MTA1: variants seen among roughly 807,000 people sequenced by gnomAD.
MTA1 encodes the protein metastasis-associated protein MTA1.
Under a neutral mutation model 97.0 loss-of-function variants are expected in MTA1, and 15 were observed. The ratio of observed to expected loss-of-function variants is 0.15; its 90% CI spans 0.10 to 0.24. The LOEUF is 0.24. MTA1 is among the 10% of genes least tolerant of loss of function. MTA1 has a pLI of 1.00. For synonymous variants in MTA1, 435 were observed against 417.5 expected, an observed-to-expected ratio of 1.04 and a Z score of -0.51; for missense variants, 709 against 1,015.1, an observed-to-expected ratio of 0.70 and a Z score of 4.10.
chr14:105,466,186 T>C, intron 16 of MTA1: 1 of 567,762 alleles, frequency 1.8e-6, no homozygotes, highest in Non-Finnish European at 3.1e-6. Context: ...GTCTCCCTGC[T>C]CTCTGGAAGC....
intron 2 of MTA1, among the ~76,000 whole-genome samples, chr14:105,444,265 C>T (rs1343914232): frequency 2.0e-5 from 3 of 151,910 alleles, no homozygotes; most frequent in Non-Finnish European, 4.4e-5. Context: ...GTCCCAGCTA[C>T]TCGGGAGGCT....
chr14:105,425,718 T>C, intron 1 of MTA1, among the ~76,000 whole-genome samples: 1 of 142,706 alleles, frequency 7.0e-6, no homozygotes, highest in South Asian at 2.5e-4. Context: ...GGTGGGCTCA[T>C]GTCTGAGTGT....
At chr14:105,431,752 A>G (rs587646171) in intron 1 of MTA1, among the ~76,000 whole-genome samples, 26 of 152,128 alleles carry the variant, frequency 1.7e-4, no homozygotes, top group African/African-American at 6.3e-4. Context: ...CAGCCTCCCA[A>G]GTAGCTGGGA....
chr14:105,451,941 T>G (rs986676958), intron 6 of MTA1, among the ~76,000 whole-genome samples: 2 of 151,994 alleles, frequency 1.3e-5, no homozygotes, highest in African/African-American at 4.8e-5. Context: ...CAGACGTGTG[T>G]CACCATGTCC....
At chr14:105,450,954 T>C (rs1180617768) in intron 6 of MTA1, among the ~76,000 whole-genome samples, 3 of 152,182 alleles carry the variant, frequency 2.0e-5, no homozygotes, top group African/African-American at 7.2e-5. Context: ...CAAAAGCGTC[T>C]GGAGTGTGTT....
rs372660294 is a variant in MTA1, at chr14:105,466,593, C to T, written c.1777+15C>T. The T allele has an allele frequency of 7.2e-5, 113 of 1,565,896 alleles. 1 individual carries two copies. Among genetic ancestry groups the T allele is most frequent in the Non-Finnish European group, 8.8e-5 (102 of 1,155,120 alleles). ...CGGGGTGGACGGTGAGTGGCCCCCC[C>T]GCCCGGTGAGTGTGGCCCTCCCCGC... On this transcript the variant is annotated intron_variant, in intron 17 of 20. Transcript: ENST00000331320.
rs1555420700 is a variant in MTA1, at chr14:105,420,787, T to C, written c.28+724T>C. On this transcript the variant is annotated intron_variant, in intron 1 of 20. Coordinates refer to ENST00000331320, the MANE Select transcript of MTA1 (RefSeq NM_004689.4). This position sits in a 1 kb window ranked among gnomAD's most constrained non-coding sequence, Gnocchi z 5.3. ...GCTCGGGCCCCCCGGGCCTGCAGCT[T>C]TGAGCCTTGCCCTCCTTCGTGTGCC... 1.3e-5 allele frequency among the ~76,000 whole-genome samples: 2 copies of C among 152,158 alleles called. 1 individual carries two copies. Among genetic ancestry groups the C allele is most frequent in the Non-Finnish European group, 2.9e-5 (2 of 67,998 alleles).
chr14:105,461,033 C>T, intron 10 of MTA1, 80 bp downstream of exon 10: 1 of 1,415,776 alleles, frequency 7.1e-7, no homozygotes, highest in Non-Finnish European at 9.7e-7. Context: ...GGCTCCACAT[C>T]CCACTCTGCC....
chr14:105,447,827 C>A (rs587654302), intron 3 of MTA1, among the ~76,000 whole-genome samples: 1 of 152,328 alleles, frequency 6.6e-6, no homozygotes, highest in Non-Finnish European at 1.5e-5. Context: ...CCACACCCCC[C>A]GGGGTTGTGT....
chr14:105,467,542 G>C (rs1555433230), intron 18 of MTA1: 1 of 453,150 alleles, frequency 2.2e-6, no homozygotes, highest in Admixed American at 2.4e-5. Flanking sequence ...TGCAGCGCAG[G>C]GTGGGCCTGA....
Position 105,463,674 on chromosome 14 carries a change from GCC to G in MTA1, c.1076+127_1076+128del, listed in dbSNP as rs2083448781. On this transcript the variant is annotated intron_variant, in intron 12 of 20. Coordinates refer to ENST00000331320, the MANE Select transcript of MTA1 (RefSeq NM_004689.4). The surrounding 1 kb of genome is among the most constrained non-coding windows in gnomAD (Gnocchi z 5.9). ...CTCAGAGGCTGGGAAAGTTGGGGCA[GCC>G]CCCGGGAGGGCGGCCCAGGGCTGGG... is the stretch of plus-strand genomic sequence containing the variant. 9.9e-7 allele frequency: 1 copy of G among 1,006,406 alleles called. No individual in the cohort carries two copies. Among genetic ancestry groups the G allele is most frequent in the Non-Finnish European group, 1.5e-6 (1 of 662,758 alleles). 62.3% of individuals were successfully genotyped at this position (1,006,406 alleles called of 1,614,324 possible).
intron 1 of MTA1, among the ~76,000 whole-genome samples, chr14:105,434,654 A>G (rs1404087064): frequency 1.3e-5 from 2 of 151,964 alleles, no homozygotes; most frequent in Non-Finnish European, 2.9e-5. Flanking sequence ...ATACACCACC[A>G]CACCCAGCTA....
At chr14:105,457,447 C>T (rs1031424704) in intron 7 of MTA1, among the ~76,000 whole-genome samples, 19 of 152,234 alleles carry the variant, frequency 1.2e-4, no homozygotes, top group South Asian at 4.1e-4. Flanking sequence ...TCCAGAGGCA[C>T]GCCCACTCCC....
At position 105,432,998 on chromosome 14, in the gene MTA1, C is replaced by T. The variant is rs187139267; in HGVS notation, c.29-5674C>T. On this transcript the variant is annotated intron_variant, in intron 1 of 20. Coordinates refer to ENST00000331320, the MANE Select transcript of MTA1 (RefSeq NM_004689.4). ...AAGCGATTGGACTGTAGCGTAACCC[C>T]GTGCTGTAATATAGGGGCCCCAAGA... Among the ~76,000 whole-genome samples the T allele has an allele frequency of 2.7e-3, 404 of 152,242 alleles. 5 individuals carry two copies. Among genetic ancestry groups the T allele is most frequent in the Non-Finnish European group, 5.6e-4 (38 of 68,012 alleles).
chr14:105,434,967 A>AT (rs1452962663), intron 1 of MTA1, among the ~76,000 whole-genome samples: 3 of 152,036 alleles, frequency 2.0e-5, no homozygotes, highest in African/African-American at 7.2e-5. Flanking sequence ...CCTTTCATTG[A>AT]TTTTTCTTCC....
Position 105,420,514 on chromosome 14 carries a change from AGCCCC to A in MTA1, c.28+453_28+457del, listed in dbSNP as rs1476672245. 6.6e-6 allele frequency among the ~76,000 whole-genome samples: 1 copy of A among 151,902 alleles called. No individual in the cohort carries two copies. Among genetic ancestry groups the A allele is most frequent in the East Asian group, 1.9e-4 (1 of 5,144 alleles). ...CGGTGCATCCCCTCTGGGGATGGGG[AGCCCC>A]GGTGAGGGGCCACGTTCCTCCCTAG... On this transcript the variant is annotated intron_variant, in intron 1 of 20. Coordinates refer to ENST00000331320, the MANE Select transcript of MTA1 (RefSeq NM_004689.4). The surrounding 1 kb of genome is among the most constrained non-coding windows in gnomAD (Gnocchi z 5.3).
Position 105,420,014 on chromosome 14 carries a change from C to T in MTA1, c.-22C>T, listed in dbSNP as rs2081770824. ...CGAGCGCCGCGCCCGCCCCGGGCCC[C>T]TCCGCCGCCGCCGGCCCGGACATGG... On this transcript the variant is annotated 5_prime_UTR_variant, in exon 1 of 21. Coordinates refer to ENST00000331320, the MANE Select transcript of MTA1 (RefSeq NM_004689.4). The surrounding 1 kb of genome is among the most constrained non-coding windows in gnomAD (Gnocchi z 5.3). 2.8e-6 allele frequency: 3 copies of T among 1,057,672 alleles called. No homozygotes were observed. The highest frequency in any genetic ancestry group is 3.4e-6 in the Non-Finnish European group (3 of 874,100). The allele number at this position is 1,057,672 out of a possible 1,614,324, so 65.5% of individuals were successfully genotyped here.
At chr14:105,456,932 A>G (rs1166208805) in intron 7 of MTA1, among the ~76,000 whole-genome samples, 17 of 152,188 alleles carry the variant, frequency 1.1e-4, no homozygotes, top group African/African-American at 4.1e-4. Flanking sequence ...CCCTCCCTGG[A>G]CACATGGCCC....
chr14:105,460,628 T>C, intron 9 of MTA1, 137 bp from the exon 10 acceptor site: 3 of 1,222,634 alleles, frequency 2.5e-6, no homozygotes, highest in South Asian at 1.6e-5. Flanking sequence ...TCGGCCAGAC[T>C]GTGCTGAGGG....
Sources: allele counts gnomAD v4.1 joint callset (sites outside exome capture counted in the v4.1 genomes callset), GRCh38; gene constraint gnomAD v4.1.1; non-coding constraint Gnocchi (gnomAD v3.1); transcripts MANE v1.5; gene names NCBI Gene and HGNC (gene_info 2026-07-23, HGNC 2026-07-21).